RGS6: variants seen among roughly 807,000 people sequenced by gnomAD.
RGS6 encodes regulator of G protein signaling 6.
RGS6 carries 30 observed loss-of-function variants against 78.5 expected under a neutral mutation model. The observed-to-expected ratio is 0.38, with a 90% CI of 0.29 to 0.52. The LOEUF (loss-of-function observed/expected upper bound fraction) is 0.52. RGS6 is among the 20% of genes least tolerant of loss of function. The pLI is 0.85. For synonymous variants in RGS6, 206 were observed against 206.0 expected, an observed-to-expected ratio of 1.00 and a Z score of 0.00; for missense variants, 495 against 609.7, an observed-to-expected ratio of 0.81 and a Z score of 1.98.
chr14:72,051,844 A>G (rs1224169105), intron 2 of RGS6, among the ~76,000 whole-genome samples: 1 of 152,204 alleles, frequency 6.6e-6, no homozygotes, highest in South Asian at 2.1e-4. Flanking sequence ...AACATAGTAA[A>G]ACAGAGCGAC....
At chr14:72,282,297 A>C (rs1041546862) in intron 2 of RGS6, among the ~76,000 whole-genome samples, 3 of 152,200 alleles carry the variant, frequency 2.0e-5, no homozygotes, top group Admixed American at 1.3e-4. Flanking sequence ...CCAAGTACCA[A>C]GTGATAAGCG....
chr14:72,438,727 G>A (rs1689134728), intron 3 of RGS6, among the ~76,000 whole-genome samples: 1 of 152,170 alleles, frequency 6.6e-6, no homozygotes, highest in South Asian at 2.1e-4. Flanking sequence ...GTTCCAAACT[G>A]GTCTCCTTGC....
chr14:72,172,906 T>A (rs1376310589), intron 2 of RGS6, among the ~76,000 whole-genome samples: 1 of 152,204 alleles, frequency 6.6e-6, no homozygotes, highest in African/African-American at 2.4e-5. Flanking sequence ...AGCAGAGGAC[T>A]GCACGAGCTC....
At chr14:72,015,824 G>A (rs1047685238) in intron 2 of RGS6, among the ~76,000 whole-genome samples, 1 of 152,168 alleles carries the variant, frequency 6.6e-6, no homozygotes, top group African/African-American at 2.4e-5. Context: ...GTGTGATTGA[G>A]TGTCTCTTCT....
rs191755126 is a variant in RGS6, at chr14:72,459,761, G to T, written c.394+78G>T. On this transcript the variant is annotated intron_variant, in intron 6 of 17. Transcript: ENST00000553525. Reference sequence around the variant, plus strand: ...TGGGGGTGCAGAAGACAAATGCTTGGTGTGGGCCATGGTGGTACATGGGGA... The same window carrying T: ...TGGGGGTGCAGAAGACAAATGCTTGTTGTGGGCCATGGTGGTACATGGGGA... 6 of 1,433,600 alleles carry T rather than the reference G, an allele frequency of 4.2e-6. No homozygotes were observed. The Admixed American group carries it at 6.7e-5, about 16-fold the overall frequency. The allele number at this position is 1,433,600 out of a possible 1,614,324, so 88.8% of individuals were successfully genotyped here.
intron 1 of RGS6, among the ~76,000 whole-genome samples, chr14:71,935,875 CTGAT>C (rs1191545265): frequency 2.6e-5 from 4 of 151,606 alleles, no homozygotes; most frequent in East Asian, 1.9e-4. Context: ...CTGGGAGTCT[CTGAT>C]TGATTCTGTC....
At chr14:72,196,656 T>G (rs868056805) in intron 2 of RGS6, among the ~76,000 whole-genome samples, 5 of 152,208 alleles carry the variant, frequency 3.3e-5, no homozygotes, top group African/African-American at 7.2e-5. Flanking sequence ...TCTGGTGGTG[T>G]TTTGCAAAAA....
At chr14:72,371,089 G>A (rs2083423035) in intron 3 of RGS6, among the ~76,000 whole-genome samples, 1 of 152,194 alleles carries the variant, frequency 6.6e-6, no homozygotes, top group African/African-American at 2.4e-5. Context: ...CTCTGAAAAT[G>A]ACAGTGCTTA....
intron 3 of RGS6, among the ~76,000 whole-genome samples, chr14:72,442,426 C>T (rs1245877354): frequency 1.3e-5 from 2 of 152,140 alleles, no homozygotes; most frequent in Non-Finnish European, 2.9e-5. Flanking sequence ...TGAGCCTTTT[C>T]TTGACACTGG....
intron 3 of RGS6, among the ~76,000 whole-genome samples, chr14:72,396,866 A>G (rs545184311): frequency 2.0e-5 from 3 of 152,222 alleles, no homozygotes; most frequent in South Asian, 4.1e-4. Context: ...GATGTGCGGC[A>G]TTATTTCTAA....
intron 2 of RGS6, among the ~76,000 whole-genome samples, chr14:72,113,299 T>A (rs1396712804): frequency 6.6e-6 from 1 of 152,204 alleles, no homozygotes; most frequent in Non-Finnish European, 1.5e-5. Context: ...TTTTTCCTCA[T>A]GTAGGAAGAA....
intron 2 of RGS6, among the ~76,000 whole-genome samples, chr14:72,129,575 G>T (rs977053990): frequency 1.3e-5 from 2 of 152,154 alleles, no homozygotes; most frequent in Admixed American, 6.5e-5. Context: ...CATCTGTTCT[G>T]CAGTCAGAAG....
At chr14:72,626,531 G>C in the RGS6 span, among the ~76,000 whole-genome samples, 4 of 152,018 alleles carry the variant, frequency 2.6e-5, no homozygotes, top group Admixed American at 2.0e-4. Context: ...TTTTACAGCT[G>C]TATAGTACTC....
intron 2 of RGS6, among the ~76,000 whole-genome samples, chr14:72,240,500 A>G (rs1382530200): frequency 6.6e-6 from 1 of 152,202 alleles, no homozygotes; most frequent in Non-Finnish European, 1.5e-5. Flanking sequence ...TTAAAGTGCC[A>G]CTCATTTGGT....
chr14:72,570,357 C>T (rs1187017555), downstream of RGS6, among the ~76,000 whole-genome samples: 1 of 152,094 alleles, frequency 6.6e-6, no homozygotes, highest in Non-Finnish European at 1.5e-5. Context: ...GGAACCAACC[C>T]CCTAATGAAT....
intron 2 of RGS6, among the ~76,000 whole-genome samples, chr14:72,300,180 CTA>C (rs1456584984): frequency 1.3e-5 from 2 of 151,748 alleles, no homozygotes; most frequent in Non-Finnish European, 2.9e-5. Context: ...TACTTTTTCT[CTA>C]TCTTTTTTTT....
chr14:72,305,043 T>C lies in RGS6; in HGVS notation c.85-47052T>C, dbSNP rs76366110. Reference sequence around the variant, plus strand: ...CTTGGCCAAGGGGAGAGGTGAAAAATGTCAAGTCCTTGTGGTTTTAGTTTA... The same window carrying C: ...CTTGGCCAAGGGGAGAGGTGAAAAACGTCAAGTCCTTGTGGTTTTAGTTTA... On this transcript the variant is annotated intron_variant, in intron 2 of 17. Coordinates refer to ENST00000553525, the MANE Select transcript of RGS6 (RefSeq NM_001204424.2). Among the ~76,000 whole-genome samples the C allele has an allele frequency of 2.0e-5, 3 of 152,206 alleles. No individual in the cohort carries two copies. In the East Asian group the frequency reaches 5.8e-4, roughly 29 times the overall value.
intron 2 of RGS6, among the ~76,000 whole-genome samples, chr14:72,138,532 C>T (rs1031685852): frequency 7.1e-6 from 1 of 140,908 alleles, no homozygotes; most frequent in Non-Finnish European, 1.5e-5. Context: ...GCTGGAAACT[C>T]TATATTCCTG....
At chr14:72,063,574 G>C (rs1420010684) in intron 2 of RGS6, among the ~76,000 whole-genome samples, 2 of 152,160 alleles carry the variant, frequency 1.3e-5, no homozygotes, top group Non-Finnish European at 2.9e-5. Flanking sequence ...TTTAGGATGT[G>C]AAGTCAGAAA....
Sources: gnomAD v4.1 joint callset for allele counts (sites outside exome capture counted in the v4.1 genomes callset) on GRCh38, gnomAD v4.1.1 for gene constraint, MANE v1.5 for transcripts, NCBI Gene and HGNC (gene_info 2026-07-23, HGNC 2026-07-21) for gene names.